CABIN1: variants seen among roughly 807,000 people sequenced by gnomAD.
The protein encoded by CABIN1 is calcineurin binding protein 1.
CABIN1 carries 133 observed loss-of-function variants against 227.7 expected under a neutral mutation model. The observed-to-expected ratio is 0.58, with a 90% CI of 0.51 to 0.67. The LOEUF is 0.67. Ranked by LOEUF, CABIN1 falls within the 30% of genes least tolerant of loss-of-function variation. The pLI is 0.00. For synonymous variants in CABIN1, 1,086 were observed against 1,155.1 expected, an observed-to-expected ratio of 0.94 and a Z score of 1.21; for missense variants, 2,408 against 2,852.5, an observed-to-expected ratio of 0.84 and a Z score of 3.55.
In CABIN1 at chr22:24,168,324, G is replaced by A. The variant is rs2046578195; in HGVS notation, c.5683-123G>A. 4.4e-6 allele frequency: 4 copies of A among 904,718 alleles called. No individual in the cohort carries two copies. The South Asian group carries it at 5.6e-5, about 13-fold the overall frequency. The allele number at this position is 904,718 out of a possible 1,614,324, so 56.0% of individuals were successfully genotyped here. On this transcript the variant is annotated intron_variant, in intron 32 of 36. Transcript: ENST00000263119. ...ATTCAGCAGAGTCTGGGGTGTTGGG[G>A]GGCACCCGAGCCACAGGGCATGCCC... is the stretch of plus-strand genomic sequence containing the variant.
Position 24,076,290 on chromosome 22 carries a change from T to G in CABIN1, c.2748+6T>G. On this transcript the variant is annotated splice_donor_region_variant and intron_variant, in intron 19 of 36. Transcript: ENST00000263119. ...GGGCTCTGCTGCGATTCTATGTAAG[T>G]GCTTCCCCTTGGGCTGCAGACTGCC... 1.2e-6 allele frequency: 2 copies of G among 1,610,542 alleles called. No homozygotes were observed. The highest frequency in any genetic ancestry group is 1.7e-6 in the Non-Finnish European group (2 of 1,176,748).
intron 29 of CABIN1, among the ~76,000 whole-genome samples, chr22:24,161,410 G>GC (rs765866775): frequency 6.6e-6 from 1 of 152,210 alleles, no homozygotes; most frequent in Non-Finnish European, 1.5e-5. Context: ...TCTGAAGACA[G>GC]CAAGTGTGCC....
rs1188799038 is a variant in CABIN1 at position 24,037,940 on chromosome 22, C to T, written c.97-408C>T. 3.9e-5 allele frequency among the ~76,000 whole-genome samples: 6 copies of T among 152,184 alleles called. No homozygotes were observed. The East Asian group carries it at 9.6e-4, about 24-fold the overall frequency. Reference sequence around the variant, plus strand: ...TCACAGGACTTAGAAAAACACTTTACATTTACCAATTTATTATGAAGGATA... The same window carrying T: ...TCACAGGACTTAGAAAAACACTTTATATTTACCAATTTATTATGAAGGATA... On this transcript the variant is annotated intron_variant, in intron 3 of 36. Coordinates refer to ENST00000263119, the MANE Select transcript of CABIN1 (RefSeq NM_012295.4).
intron 5 of CABIN1, among the ~76,000 whole-genome samples, chr22:24,041,932 T>C (rs2037404903): frequency 6.6e-6 from 1 of 152,240 alleles, no homozygotes; most frequent in African/African-American, 2.4e-5. Flanking sequence ...TGAGTTTTCT[T>C]GAATCCCATA....
chr22:24,094,823 C>CAAAAA (rs201624847), intron 24 of CABIN1, among the ~76,000 whole-genome samples: 3 of 78,354 alleles, frequency 3.8e-5, no homozygotes, highest in Non-Finnish European at 8.8e-5. Context: ...GACTCCGTCT[C>CAAAAA]AAAAAAAAAA....
At chr22:24,164,635 C>T in intron 30 of CABIN1, 72 bp downstream of exon 30, 2 of 1,519,148 alleles carry the variant, frequency 1.3e-6, no homozygotes, top group South Asian at 2.3e-5. Context: ...CAGGAAGCCT[C>T]TCCACTGCTC....
chr22:24,072,618 A>G, intron 18 of CABIN1, 108 bp downstream of exon 18: 1 of 1,295,186 alleles, frequency 7.7e-7, no homozygotes, highest in Non-Finnish European at 1.1e-6. Context: ...AGTGGGGCTC[A>G]GTCCTCTCAA....
At chr22:24,032,853 G>T (rs2146882996) in intron 1 of CABIN1, among the ~76,000 whole-genome samples, 1 of 152,252 alleles carries the variant, frequency 6.6e-6, no homozygotes, top group South Asian at 2.1e-4. Flanking sequence ...GAGGTGGGTG[G>T]ATCACCTGAG....
At chr22:24,065,326 C>T (rs1304932804) in intron 15 of CABIN1, among the ~76,000 whole-genome samples, 8 of 143,078 alleles carry the variant, frequency 5.6e-5, no homozygotes, top group South Asian at 2.3e-4. Flanking sequence ...ACCTCCCAGA[C>T]GGGGTCGCGG....
At chr22:24,065,992 T>C (rs188449342) in intron 15 of CABIN1, among the ~76,000 whole-genome samples, 1 of 151,412 alleles carries the variant, frequency 6.6e-6, no homozygotes, top group Non-Finnish European at 1.5e-5. Context: ...AGGGAGACCG[T>C]GGAAAGAGAG....
chr22:24,117,411 G>C (rs548031974), intron 27 of CABIN1, among the ~76,000 whole-genome samples: 54 of 152,202 alleles, frequency 3.5e-4, no homozygotes, highest in African/African-American at 1.2e-3. Context: ...GTTGCCCCAG[G>C]CTAGTCTCAA....
chr22:24,062,418 C>A (rs891256496), intron 13 of CABIN1, among the ~76,000 whole-genome samples: 1 of 133,368 alleles, frequency 7.5e-6, no homozygotes, highest in Admixed American at 8.9e-5. Context: ...AGTGCAGTGG[C>A]ATGATCTTGG....
intron 17 of CABIN1, 191 bp downstream of exon 17, chr22:24,071,233 C>G (rs765499944): frequency 2.8e-6 from 2 of 718,376 alleles, no homozygotes; most frequent in Non-Finnish European, 4.8e-6. Context: ...TGGGGCTGGT[C>G]GGATCTGGGG....
chr22:24,149,670 G>A (rs569040215), intron 29 of CABIN1, among the ~76,000 whole-genome samples: 15 of 152,312 alleles, frequency 9.8e-5, no homozygotes, highest in Non-Finnish European at 1.6e-4. Flanking sequence ...GCTCTTCCCC[G>A]TGGACTCCAC....
At chr22:24,052,624 T>C (rs1288029883) in intron 8 of CABIN1, among the ~76,000 whole-genome samples, 1 of 151,436 alleles carries the variant, frequency 6.6e-6, no homozygotes, top group African/African-American at 2.4e-5. Context: ...ACCTCATATC[T>C]ACAAAAAATA....
intron 1 of CABIN1, among the ~76,000 whole-genome samples, chr22:24,029,179 C>T (rs1490640330): frequency 6.6e-6 from 1 of 152,026 alleles, no homozygotes; most frequent in Non-Finnish European, 1.5e-5. Flanking sequence ...CATGGTGAAA[C>T]CCTGTTTCTA....
intron 28 of CABIN1, among the ~76,000 whole-genome samples, chr22:24,132,715 G>A (rs931340248): frequency 2.0e-5 from 3 of 152,212 alleles, no homozygotes; most frequent in African/African-American, 7.2e-5. Flanking sequence ...AGCCTGTTGA[G>A]TAGCTGGGAT....
intron 29 of CABIN1, among the ~76,000 whole-genome samples, chr22:24,136,524 A>ATTTTTTTTTTTTGTTTTTTTTTTTTTT (rs2044417154): frequency 1.4e-5 from 1 of 69,894 alleles, no homozygotes; most frequent in Admixed American, 1.6e-4. Context: ...TAATTTTTGT[A>ATTTTTTTTTTTTGTTTTTTTTTTTTTT]TTTTTTTTTT....
chr22:24,176,087 T>C, intron 34 of CABIN1, 24 bp from the exon 35 acceptor site: 12 of 1,605,758 alleles, frequency 7.5e-6, no homozygotes, highest in Non-Finnish European at 1.0e-5. Context: ...GTCTATTACC[T>C]GCAGTGAGCC....
Sources: gnomAD v4.1 joint callset for allele counts (sites outside exome capture counted in the v4.1 genomes callset) on GRCh38, gnomAD v4.1.1 for gene constraint, MANE v1.5 for transcripts, NCBI Gene and HGNC (gene_info 2026-07-23, HGNC 2026-07-21) for gene names.